The following BCKDHA variants were observed in gnomAD, a reference collection of about 807,000 sequenced individuals.
The protein encoded by BCKDHA is branched chain keto acid dehydrogenase E1 subunit alpha.
Under a neutral mutation model 52.2 loss-of-function variants are expected in BCKDHA, and 43 were observed. The ratio of observed to expected loss-of-function variants is 0.82; its 90% CI spans 0.64 to 1.06. The LOEUF (loss-of-function observed/expected upper bound fraction) is 1.06. Among genes scored for constraint, BCKDHA ranks in the 50% least tolerant of loss-of-function variants. BCKDHA has a pLI of 0.00. For missense variants in BCKDHA, 527 were observed against 621.3 expected (o/e 0.85, Z 1.61); for synonymous variants, 234 against 247.9 (o/e 0.94, Z 0.53).
At chr19:41,419,432 A>T in intron 5 of BCKDHA, 136 bp downstream of exon 5, 1 of 1,146,666 alleles carries the variant, frequency 8.7e-7, no homozygotes, top group Non-Finnish European at 1.2e-6. Context: ...TGTGCTCCAG[A>T]CTTCTTCTTC....
At chr19:41,404,827 C>G (rs1186640468) in intron 1 of BCKDHA, among the ~76,000 whole-genome samples, 1 of 152,086 alleles carries the variant, frequency 6.6e-6, no homozygotes, top group Non-Finnish European at 1.5e-5. Context: ...GTCATGAACT[C>G]CTGACCTTAA....
chr19:41,424,330 G>T, intron 8 of BCKDHA, 108 bp from the exon 9 acceptor site: 1 of 1,217,452 alleles, frequency 8.2e-7, no homozygotes, highest in Non-Finnish European at 1.2e-6. Flanking sequence ...TGTCGAGGTG[G>T]GAACACAAAG....
intron 1 of BCKDHA, among the ~76,000 whole-genome samples, chr19:41,406,758 CAG>C (rs1169441122): frequency 6.6e-6 from 1 of 152,020 alleles, no homozygotes; most frequent in East Asian, 1.9e-4. Flanking sequence ...TTAGTAGAGA[CAG>C]GGTTTCACTA....
chr19:41,418,305 C>T (rs1223505416), intron 4 of BCKDHA, among the ~76,000 whole-genome samples: 1 of 152,112 alleles, frequency 6.6e-6, no homozygotes, highest in Admixed American at 6.6e-5. Context: ...TCCCACTCTT[C>T]AGGCGGGGCA....
intron 3 of BCKDHA, among the ~76,000 whole-genome samples, chr19:41,411,896 T>C (rs2039257835): frequency 6.6e-6 from 1 of 152,178 alleles, no homozygotes; most frequent in Non-Finnish European, 1.5e-5. Context: ...CACTGGAATG[T>C]GCATTAACTT....
intron 3 of BCKDHA, among the ~76,000 whole-genome samples, chr19:41,413,809 C>T (rs529510633): frequency 7.9e-5 from 12 of 152,298 alleles, no homozygotes; most frequent in African/African-American, 2.9e-4. Flanking sequence ...GATGCCCTTC[C>T]GTGGTGGAAC....
chr19:41,414,659 C>G (rs143116648), intron 4 of BCKDHA, among the ~76,000 whole-genome samples: 1 of 152,000 alleles, frequency 6.6e-6, no homozygotes, highest in Non-Finnish European at 1.5e-5. Context: ...TAGAGGGGCC[C>G]GGCAAGCCCA....
Position 41,423,160 on chromosome 19 carries a change from C to T in BCKDHA, c.1158C>T (p.Ser386=), listed in dbSNP as rs1301881882. ...EEQEKAWRKQ[S]RRKVMEAFEQ... ...AGGAGAAGGCCTGGAGGAAGCAGTC[C>T]CGCAGGAAGGTGAGGGTGCCCCGCC... Residue 386 remains serine (S), a synonymous_variant, in exon 8 of 9, where the codon TCC becomes TCT. Coordinates refer to ENST00000269980, the MANE Select transcript of BCKDHA (RefSeq NM_000709.4). The T allele has an allele frequency of 1.3e-6, 2 of 1,554,262 alleles. No individual in the cohort carries two copies. Among genetic ancestry groups the T allele is most frequent in the African/African-American group, 1.4e-5 (1 of 73,422 alleles).
chr19:41,417,953 C>A (rs1278825655), intron 4 of BCKDHA, among the ~76,000 whole-genome samples: 1 of 150,984 alleles, frequency 6.6e-6, no homozygotes, highest in Non-Finnish European at 1.5e-5. Context: ...TTAGGTAGAT[C>A]TAGTGGTGCA....
At chr19:41,409,893 C>T (rs147227215) in intron 1 of BCKDHA, among the ~76,000 whole-genome samples, 131 of 151,272 alleles carry the variant, frequency 8.7e-4, no homozygotes, top group South Asian at 1.9e-3. Flanking sequence ...CCCCACCTCC[C>T]GGGTTCAAGT....
Position 41,423,114 on chromosome 19 carries a change from A to C in BCKDHA, c.1112A>C (p.Gln371Pro). 6.4e-7 allele frequency: 1 copy of C among 1,564,372 alleles called. No homozygotes were observed. Residue 371 changes from glutamine (Q) to proline (P), a missense_variant, in exon 8 of 9, where the codon CAA becomes CCA. Transcript: ENST00000269980. Reference protein sequence around the residue: ...ISRLRHYLLSQGWWDEEQEKA... With the variant: ...ISRLRHYLLSPGWWDEEQEKA... The stretch of plus-strand genomic sequence containing the variant: ...CGGCTGCGGCACTATCTGCTGAGCC[A>C]AGGCTGGTGGGATGAGGAGCAGGAG...
At chr19:41,420,445 A>C (rs1453364432) in intron 5 of BCKDHA, among the ~76,000 whole-genome samples, 1 of 152,160 alleles carries the variant, frequency 6.6e-6, no homozygotes, top group Non-Finnish European at 1.5e-5. Flanking sequence ...CTAAACATAC[A>C]AAAATTAGCT....
intron 1 of BCKDHA, among the ~76,000 whole-genome samples, chr19:41,406,169 T>C (rs1599950272): frequency 6.6e-6 from 1 of 151,906 alleles, no homozygotes; most frequent in Non-Finnish European, 1.5e-5. Flanking sequence ...GGGAGGAGGG[T>C]ACAGCCGAGA....
chr19:41,407,617 G>C (rs75557216), intron 1 of BCKDHA, among the ~76,000 whole-genome samples: 403 of 152,252 alleles, frequency 2.6e-3, no homozygotes, highest in Non-Finnish European at 4.6e-3. Flanking sequence ...CCTGCCATTG[G>C]GAGTGTAATT....
chr19:41,419,199 T>C lies in BCKDHA; in HGVS notation c.549T>C (p.Ser183=), dbSNP rs981398635. ...TGGCCCAGTGCTATGGCAACATCAG[T>C]GACTTGGGCAAGGGGCGCCAGATGC... The part of the protein sequence containing the change: ...LFMAQCYGNI[S]DLGKGRQMPV... Residue 183 remains serine (S), a synonymous_variant, in exon 5 of 9, where the codon AGT becomes AGC. Transcript: ENST00000269980. 2 of 1,614,226 alleles carry C rather than the reference T, an allele frequency of 1.2e-6. No homozygotes were observed. The highest frequency in any genetic ancestry group is 1.7e-5 in the Admixed American group (1 of 60,020).
intron 5 of BCKDHA, among the ~76,000 whole-genome samples, chr19:41,420,135 C>A (rs2039348681): frequency 6.6e-6 from 1 of 152,164 alleles, no homozygotes; most frequent in Non-Finnish European, 1.5e-5. Context: ...GCTGTCCCCA[C>A]CCCATTCAGG....
chr19:41,401,752 G>A (rs1473730309), intron 1 of BCKDHA, among the ~76,000 whole-genome samples: 2 of 152,188 alleles, frequency 1.3e-5, no homozygotes, highest in African/African-American at 4.8e-5. Flanking sequence ...ACCCTAGCTA[G>A]TGGGGTGAAT....
Position 41,422,229 on chromosome 19 carries a change from G to A in BCKDHA, c.712G>A (p.Glu238Lys), listed in dbSNP as rs1303770209. ...ANRVVICYFG[E>K]GAASEGDAHA... ...CAGGGTCGTCATCTGTTACTTCGGCGAGGGGGCAGCCAGTGAGGGGGACGC... is the reference window on the plus strand; with the variant it reads ...CAGGGTCGTCATCTGTTACTTCGGCAAGGGGGCAGCCAGTGAGGGGGACGC... The change falls in exon 6 of 9, where the codon GAG becomes AAG. Residue 238 changes from glutamate (E) to lysine (K), a missense_variant. Physicochemically the swap from Glu to Lys is moderately conservative, Grantham distance 56. Transcript: ENST00000269980. 3 of 1,614,164 alleles carry A rather than the reference G, an allele frequency of 1.9e-6. No individual in the cohort carries two copies. The highest frequency in any genetic ancestry group is 2.2e-5 in the East Asian group (1 of 44,890).
intron 8 of BCKDHA, among the ~76,000 whole-genome samples, chr19:41,424,137 G>C (rs1000486088): frequency 6.6e-6 from 1 of 152,154 alleles, no homozygotes; most frequent in African/African-American, 2.4e-5. Flanking sequence ...GCAGCACCCG[G>C]CATAGGGCAG....
Sources: allele counts gnomAD v4.1 joint callset (sites outside exome capture counted in the v4.1 genomes callset), GRCh38; gene constraint gnomAD v4.1.1; transcripts MANE v1.5; gene names NCBI Gene and HGNC (gene_info 2026-07-23, HGNC 2026-07-21).